The following HLA-G variants were observed in gnomAD, a reference collection of about 807,000 sequenced individuals.
The protein encoded by HLA-G is major histocompatibility complex, class I, G.
Under a neutral mutation model 39.3 loss-of-function variants are expected in HLA-G, and 34 were observed. The ratio of observed to expected loss-of-function variants is 0.86; its 90% CI spans 0.66 to 1.15. The LOEUF (loss-of-function observed/expected upper bound fraction) is 1.15. Among genes scored for constraint, HLA-G ranks in the 50% most tolerant of loss-of-function variants. HLA-G has a pLI of 0.00. For synonymous variants in HLA-G, 183 were observed against 185.8 expected (o/e 0.99, Z 0.12); for missense variants, 419 against 456.4 (o/e 0.92, Z 0.75).
Position 29,830,403 on chromosome 6 carries a change from G to A in HLA-G, c.*21G>A, listed in dbSNP as rs764168857. On this transcript the variant is annotated 3_prime_UTR_variant, in exon 6 of 7. Transcript: ENST00000360323. Reference sequence around the variant, plus strand: ...ATTGAAAAGGAGGGAGCTACTCTCAGGCTGCAAGTAAGTATGAAGGAGGCT... The same window carrying A: ...ATTGAAAAGGAGGGAGCTACTCTCAAGCTGCAAGTAAGTATGAAGGAGGCT... The A allele has an allele frequency of 5.6e-6, 9 of 1,613,424 alleles. No individual in the cohort carries two copies. In the African/African-American group the frequency reaches 9.3e-5, roughly 17 times the overall value.
Position 29,828,185 on chromosome 6 carries a change from C to T in HLA-G, c.212C>T (p.Pro71Leu). 1 of 1,613,428 alleles carries T rather than the reference C, an allele frequency of 6.2e-7. No homozygotes were observed. The highest frequency in any genetic ancestry group is 8.5e-7 in the Non-Finnish European group (1 of 1,179,854). Residue 71 changes from proline to leucine, a missense_variant, in exon 2 of 7, where the codon CCG becomes CTG. By Grantham distance (98) the Pro-to-Leu change is moderately conservative (BLOSUM62 -3). Transcript: ENST00000360323. Reference sequence around the variant, plus strand: ...GACTCGGCGTGTCCGAGGATGGAGCCGCGGGCGCCGTGGGTGGAGCAGGAG... The same window carrying T: ...GACTCGGCGTGTCCGAGGATGGAGCTGCGGGCGCCGTGGGTGGAGCAGGAG... ...DSDSACPRMEPRAPWVEQEGP... is the reference protein window; with the variant it reads ...DSDSACPRMELRAPWVEQEGP...
In HLA-G at chr6:29,827,904, C is replaced by A; in HGVS notation, c.60C>A (p.Thr20=). 6.2e-7 allele frequency: 1 copy of A among 1,612,206 alleles called. No individual in the cohort carries two copies. Among genetic ancestry groups the A allele is most frequent in the Non-Finnish European group, 8.5e-7 (1 of 1,179,356 alleles). The stretch of plus-strand genomic sequence containing the variant: ...TGCTCTCGGGGGCCCTGACCCTGAC[C>A]GAGACCTGGGCGGGTGAGTGCGGGG... ...FLLLSGALTL[T]ETWAGSHSMR... is the part of the protein sequence containing the mutation. Residue 20 remains threonine (T), a synonymous_variant, in exon 1 of 7, where the codon ACC becomes ACA. Coordinates refer to ENST00000360323, the MANE Select transcript of HLA-G (RefSeq NM_001384290.1).
chr6:29,830,939 G>T lies in HLA-G; in HGVS notation c.*200G>T. ...CCTTTCCTGTTCCAGAAAAGGGGCT[G>T]GGATGTCTCCGTCTCTGTCTCAAAT... On this transcript the variant is annotated 3_prime_UTR_variant, in exon 7 of 7. Coordinates refer to ENST00000360323, the MANE Select transcript of HLA-G (RefSeq NM_001384290.1). 7.7e-6 allele frequency: 2 copies of T among 258,376 alleles called. No individual in the cohort carries two copies. Among genetic ancestry groups the T allele is most frequent in the South Asian group, 3.4e-5 (1 of 29,678 alleles). The allele number at this position is 258,376 out of a possible 1,614,324, so 16.0% of individuals were successfully genotyped here.
chr6:29,828,226 GA>G lies in HLA-G; in HGVS notation c.255del (p.Glu86ArgfsTer15). The G allele has an allele frequency of 6.2e-7, 1 of 1,613,638 alleles. No individual in the cohort carries two copies. The highest frequency in any genetic ancestry group is 2.2e-5 in the East Asian group (1 of 44,866). The part of the protein sequence containing the change: ...WVEQEGPEYW[E>X]EETRNTKAHA... ...GGAGCAGGAGGGGCCGGAGTATTGGGAAGAGGAGACACGGAACACCAAGGCC... is the reference window on the plus strand; with the variant it reads ...GGAGCAGGAGGGGCCGGAGTATTGGGAGAGGAGACACGGAACACCAAGGCC... On this transcript the variant is annotated frameshift_variant, in exon 2 of 7. Transcript: ENST00000360323. LOFTEE classifies it high-confidence loss of function.
chr6:29,830,033 T>C, intron 5 of HLA-G, 101 bp downstream of exon 5: 2 of 864,896 alleles, frequency 2.3e-6, no homozygotes, highest in Non-Finnish European at 3.8e-6. Context: ...GGAAGCACCA[T>C]CCACACTCAT....
At position 29,828,156 on chromosome 6, in the gene HLA-G, C is replaced by T; in HGVS notation, c.183C>T (p.Asp61=). 1 of 1,613,352 alleles carries T rather than the reference C, an allele frequency of 6.2e-7. No homozygotes were observed. The highest frequency in any genetic ancestry group is 1.1e-5 in the South Asian group (1 of 91,082). Reference sequence around the variant, plus strand: ...ACGACACGCAGTTCGTGCGGTTCGACAGCGACTCGGCGTGTCCGAGGATGG... The same window carrying T: ...ACGACACGCAGTTCGTGCGGTTCGATAGCGACTCGGCGTGTCCGAGGATGG... ...YVDDTQFVRF[D]SDSACPRMEP... Residue 61 remains aspartate (D), a synonymous_variant, in exon 2 of 7, where the codon GAC becomes GAT. Transcript: ENST00000360323.
In HLA-G at chr6:29,828,657, A is replaced by G. The variant is rs556645753; in HGVS notation, c.458A>G (p.Asp153Gly). ...DGKDYLALNE[D>G]LRSWTAADTA... ...AAGGATTACCTCGCCCTGAACGAGG[A>G]CCTGCGCTCCTGGACCGCAGCGGAC... The change falls in exon 3 of 7, where the codon GAC becomes GGC. Residue 153 changes from aspartate (D) to glycine (G), a missense_variant. Coordinates refer to ENST00000360323, the MANE Select transcript of HLA-G (RefSeq NM_001384290.1). The G allele has an allele frequency of 6.2e-7, 1 of 1,613,476 alleles. No individual in the cohort carries two copies. Among genetic ancestry groups the G allele is most frequent in the Admixed American group, 1.7e-5 (1 of 60,030 alleles).
At chr6:29,830,223 C>T (rs552283103) in intron 5 of HLA-G, among the ~76,000 whole-genome samples, 155 bp from the exon 6 acceptor site, 11 of 152,272 alleles carry the variant, frequency 7.2e-5, no homozygotes, top group South Asian at 4.1e-4. Context: ...TGGTCGAGGA[C>T]CCACATCTGC....
chr6:29,826,920 T>C (rs1760725900), upstream of HLA-G: 1 of 469,896 alleles, frequency 2.1e-6, no homozygotes, highest in African/African-American at 2.0e-5. Context: ...CACTGAACAC[T>C]TACAACTGTG....
At chr6:29,830,002 GTGTGCCC>G in intron 5 of HLA-G, 70 bp downstream of exon 5, 1 of 1,162,806 alleles carries the variant, frequency 8.6e-7, no homozygotes, top group South Asian at 1.3e-5. Context: ...CCAGGTAGAA[GTGTGCCC>G]TGCCTGGTTA....
chr6:29,828,367 C>T, intron 2 of HLA-G, 51 bp downstream of exon 2: 4 of 1,574,038 alleles, frequency 2.5e-6, no homozygotes, highest in African/African-American at 1.3e-5. Flanking sequence ...CTCCATGCCC[C>T]ACGGACGGCC....
intron 6 of HLA-G, 161 bp from the exon 7 acceptor site, chr6:29,830,607 C>T (rs1192901869): frequency 4.1e-6 from 3 of 740,400 alleles, no homozygotes; most frequent in African/African-American, 3.4e-5. Context: ...AAATGTGACA[C>T]CCCGGGGGGC....
intron 3 of HLA-G, among the ~76,000 whole-genome samples, 163 bp from the exon 4 acceptor site, chr6:29,829,255 A>G (rs919055338): frequency 6.6e-6 from 1 of 152,026 alleles, no homozygotes; most frequent in Non-Finnish European, 1.5e-5. Context: ...TCCAAGGAAT[A>G]GGAGATTATC....
At chr6:29,830,723 C>G (rs1761206855) in intron 6 of HLA-G, 45 bp from the exon 7 acceptor site, 1 of 562,918 alleles carries the variant, frequency 1.8e-6, no homozygotes, top group Non-Finnish European at 3.5e-6. Flanking sequence ...AGTGTCACCC[C>G]TCACTGTGAC....
upstream of HLA-G, chr6:29,827,548 G>A (rs781618441): frequency 1.2e-3 from 506 of 428,290 alleles, 1 homozygote; most frequent in Middle Eastern, 2.7e-3. Context: ...GAGACACTGA[G>A]ACAGAACGCT....
At chr6:29,829,955 G>A in intron 5 of HLA-G, 23 bp downstream of exon 5, 1 of 1,545,860 alleles carries the variant, frequency 6.5e-7, no homozygotes, top group African/African-American at 1.4e-5. Flanking sequence ...TGACAAGTGG[G>A]GTCTGAGTTT....
chr6:29,827,605 G>A (rs1400453301), upstream of HLA-G: 1 of 555,984 alleles, frequency 1.8e-6, no homozygotes, highest in Non-Finnish European at 3.3e-6. Context: ...GGCCTCAAGC[G>A]TGGCTCTCAG....
At chr6:29,829,385 A>G in intron 3 of HLA-G, 33 bp from the exon 4 acceptor site, 1 of 1,606,088 alleles carries the variant, frequency 6.2e-7, no homozygotes. Flanking sequence ...TGAGAGATGC[A>G]AAGTGCTTGA....
At chr6:29,827,619 C>G, upstream of HLA-G, 1 of 586,816 alleles carries the variant, frequency 1.7e-6, no homozygotes, top group Non-Finnish European at 3.1e-6. Flanking sequence ...CTCTCAGGGT[C>G]TCAGGCCCCA....
Sources: gnomAD v4.1 joint callset for allele counts (sites outside exome capture counted in the v4.1 genomes callset) on GRCh38, gnomAD v4.1.1 for gene constraint, MANE v1.5 for transcripts, NCBI Gene and HGNC (gene_info 2026-07-23, HGNC 2026-07-21) for gene names.